Variants in KIF3C observed in about 807,000 individuals in gnomAD.
KIF3C encodes the protein kinesin-like protein KIF3C.
A neutral mutation model predicts 67.7 loss-of-function variants in KIF3C; 12 were observed. The observed-to-expected ratio is 0.18, with a 90% CI of 0.11 to 0.29. KIF3C has a LOEUF of 0.29. Ranked by LOEUF, KIF3C falls within the 10% of genes least tolerant of loss-of-function variation. KIF3C has a pLI of 1.00. For missense variants in KIF3C, 789 were observed against 1,059.6 expected (o/e 0.74, Z 3.55); for synonymous variants, 393 against 426.2 (o/e 0.92, Z 0.96).
chr2:25,957,744 GAATGGGCTGT>G (rs775604837), intron 1 of KIF3C, among the ~76,000 whole-genome samples: 8 of 152,206 alleles, frequency 5.3e-5, no homozygotes, highest in Non-Finnish European at 1.0e-4. Flanking sequence ...GGAGGTCAAG[GAATGGGCTGT>G]GTGAGGCTTT....
chr2:25,970,471 C>T (rs1026275409), intron 1 of KIF3C, among the ~76,000 whole-genome samples: 1 of 151,642 alleles, frequency 6.6e-6, no homozygotes, highest in African/African-American at 2.4e-5. Flanking sequence ...AGTTCGGCGC[C>T]AGTCTGGTCA....
intron 5 of KIF3C, among the ~76,000 whole-genome samples, chr2:25,932,002 T>C (rs1348348357): frequency 6.9e-6 from 1 of 143,974 alleles, no homozygotes; most frequent in Non-Finnish European, 1.5e-5. Flanking sequence ...TCTTCTGTTT[T>C]GTTTTTTTTT....
rs771390485 is a variant in KIF3C at position 25,981,825 on chromosome 2, C to G, written c.93G>C (p.Gln31His). Residue 31 changes from glutamine (Q) to histidine (H), a missense_variant, in exon 1 of 8, where the codon CAG (glutamine) becomes CAC (histidine). This residue lies in a region of KIF3C where 141 missense variants were observed against 251.8 expected (regional missense o/e 0.56). Transcript: ENST00000264712. This position sits in a 1 kb window ranked among gnomAD's most constrained non-coding sequence, Gnocchi z 8.2. ...CCAGTTTCACGTCCATGGTCAGGAT[C>G]TGCTCGTGACCAGCAGCCTCCTCCT... ...SRKEEAAGHE[Q>H]ILTMDVKLGQ... 4 of 1,612,374 alleles carry G rather than the reference C, an allele frequency of 2.5e-6. No homozygotes were observed. In the Admixed American group the frequency reaches 6.7e-5, roughly 27 times the overall value.
At chr2:25,938,064 AATT>A (rs1457640971) in intron 5 of KIF3C, among the ~76,000 whole-genome samples, 4 of 150,776 alleles carry the variant, frequency 2.7e-5, no homozygotes, top group African/African-American at 7.3e-5. Context: ...AAAAAAAAAA[AATT>A]ATTATTATTT....
chr2:25,956,458 G>A lies in KIF3C; in HGVS notation c.1546-14C>T, dbSNP rs752810796. The A allele has an allele frequency of 2.1e-5, 33 of 1,604,880 alleles. No homozygotes were observed. The East Asian group carries it at 6.2e-4, about 30-fold the overall frequency. On this transcript the variant is annotated splice_polypyrimidine_tract_variant and intron_variant, in intron 1 of 7. Transcript: ENST00000264712. ...GCTCTCCATGGCCTGGGGACACAGA[G>A]GGGTTGGGAGGTGGGCTTTGCAAAG...
At chr2:25,934,042 G>C in intron 5 of KIF3C, 2 of 440,420 alleles carry the variant, frequency 4.5e-6, no homozygotes, top group South Asian at 3.4e-5. Context: ...CCAATACAAA[G>C]GAATGAAGTA....
intron 5 of KIF3C, among the ~76,000 whole-genome samples, chr2:25,931,644 T>C (rs1472818444): frequency 2.6e-5 from 4 of 152,130 alleles, no homozygotes; most frequent in Non-Finnish European, 2.9e-5. Context: ...TGTAGCTTTA[T>C]ATACTTTTTT....
At chr2:25,975,617 G>A (rs1337499716) in intron 1 of KIF3C, among the ~76,000 whole-genome samples, 2 of 152,118 alleles carry the variant, frequency 1.3e-5, no homozygotes, top group African/African-American at 4.8e-5. Context: ...ATGTGGCCTT[G>A]GGAGAGTTAT....
intron 1 of KIF3C, among the ~76,000 whole-genome samples, chr2:25,968,772 C>T (rs1461242640): frequency 6.6e-6 from 1 of 152,114 alleles, no homozygotes; most frequent in East Asian, 1.9e-4. Flanking sequence ...CTAACCCTGG[C>T]CTGCTTCCAA....
At chr2:25,934,329 A>G (rs1357609005) in intron 5 of KIF3C, among the ~76,000 whole-genome samples, 1 of 152,178 alleles carries the variant, frequency 6.6e-6, no homozygotes, top group Non-Finnish European at 1.5e-5. Context: ...CTATAAACCC[A>G]GCACTTTGGG....
chr2:25,962,932 CATATAATATATAATATATAAT>C (rs1182257616), intron 1 of KIF3C, among the ~76,000 whole-genome samples: 5,692 of 36,422 alleles, frequency 0.16, 1,248 homozygotes, highest in East Asian at 0.78. Context: ...ATATATAATA[CATATAATATATAATATATAAT>C]ATATAATATA....
chr2:25,961,082 G>A (rs988535412), intron 1 of KIF3C, among the ~76,000 whole-genome samples: 6 of 152,198 alleles, frequency 3.9e-5, no homozygotes, highest in African/African-American at 9.7e-5. Flanking sequence ...ACATGTTTCC[G>A]GCAAGAGGAA....
At chr2:25,973,493 G>T (rs1473400861) in intron 1 of KIF3C, among the ~76,000 whole-genome samples, 2 of 149,246 alleles carry the variant, frequency 1.3e-5, no homozygotes, top group Non-Finnish European at 3.0e-5. Flanking sequence ...AGCGGAGGTT[G>T]CAGTGAGCTA....
intron 5 of KIF3C, among the ~76,000 whole-genome samples, chr2:25,938,618 G>T (rs986784039): frequency 1.3e-5 from 2 of 152,176 alleles, no homozygotes; most frequent in Admixed American, 1.3e-4. Flanking sequence ...TGGCATGTGG[G>T]AGAGAAGGGT....
intron 5 of KIF3C, among the ~76,000 whole-genome samples, chr2:25,936,374 T>C (rs964187909): frequency 1.3e-5 from 2 of 152,130 alleles, no homozygotes; most frequent in African/African-American, 4.8e-5. Flanking sequence ...TGTGTCTGCT[T>C]AGGAAAAAGT....
At chr2:25,940,169 G>T (rs1663245643) in intron 5 of KIF3C, among the ~76,000 whole-genome samples, 1 of 152,150 alleles carries the variant, frequency 6.6e-6, no homozygotes. Context: ...ACCAGGCACA[G>T]GCCTGGAACC....
chr2:25,954,160 G>C, intron 4 of KIF3C, 107 bp downstream of exon 4: 1 of 810,662 alleles, frequency 1.2e-6, no homozygotes, highest in South Asian at 1.4e-5. Flanking sequence ...TATTCCTAAA[G>C]GACTCATGGG....
Position 25,955,396 on chromosome 2 carries a change from G to A in KIF3C, c.1770+145C>T, listed in dbSNP as rs1239451363. 1.0e-6 allele frequency: 1 copy of A among 956,302 alleles called. No homozygotes were observed. Among genetic ancestry groups the A allele is most frequent in the Non-Finnish European group, 1.6e-6 (1 of 632,330 alleles). The allele number at this position is 956,302 out of a possible 1,614,324, so 59.2% of individuals were successfully genotyped here. A position where few individuals can be genotyped will look rare whatever the true frequency, so the allele number is the denominator to read the frequency against. On this transcript the variant is annotated intron_variant, in intron 3 of 7. Transcript: ENST00000264712. The surrounding 1 kb of genome is among the most constrained non-coding windows in gnomAD (Gnocchi z 5.0). Reference sequence around the variant, plus strand: ...CAGCCCCCGCCTCCTGCCTCCCCCTGTTGCTCACCCCCGAGGCCAAGCCAT... The same window carrying A: ...CAGCCCCCGCCTCCTGCCTCCCCCTATTGCTCACCCCCGAGGCCAAGCCAT...
chr2:25,980,691 G>T lies in KIF3C; in HGVS notation c.1227C>A (p.Ser409Arg). Residue 409 changes from serine to arginine, a missense_variant, in exon 1 of 8, where the codon AGC becomes AGA. Ser to Arg is a moderately radical substitution (Grantham distance 110). Coordinates refer to ENST00000264712, the MANE Select transcript of KIF3C (RefSeq NM_002254.8). This position sits in a 1 kb window ranked among gnomAD's most constrained non-coding sequence, Gnocchi z 7.6. ...GGGCGGACACGGCCTTCTTCCTGCGGCTGCTCTTCCTCCGGGGCCGCTTCC... is the reference window on the plus strand; with the variant it reads ...GGGCGGACACGGCCTTCTTCCTGCGTCTGCTCTTCCTCCGGGGCCGCTTCC... ...MLGKRPRRKS[S>R]RRKKAVSAPP... 1 of 1,614,128 alleles carries T rather than the reference G, an allele frequency of 6.2e-7. No individual in the cohort carries two copies. Among genetic ancestry groups the T allele is most frequent in the Non-Finnish European group, 8.5e-7 (1 of 1,180,024 alleles).
Sources: gnomAD v4.1 joint callset for allele counts (sites outside exome capture counted in the v4.1 genomes callset) on GRCh38, gnomAD v4.1.1 for gene constraint, gnomAD v4.1.1 regional missense constraint, Gnocchi (gnomAD v3.1) non-coding constraint, MANE v1.5 for transcripts, NCBI Gene and HGNC (gene_info 2026-07-23, HGNC 2026-07-21) for gene names.